Variants in RAB33A observed in about 807,000 individuals in gnomAD.
The protein encoded by RAB33A is RAB33A, member RAS oncogene family.
RAB33A carries 6 observed loss-of-function variants against 12.0 expected under a neutral mutation model. The observed-to-expected ratio is 0.50, with a 90% CI of 0.27 to 0.99. The LOEUF is 0.99. RAB33A is among the 50% of genes least tolerant of loss of function. The probability of loss-of-function intolerance (pLI) is 0.11; values close to 1 mark genes in which losing one functional copy is unlikely to be tolerated. For synonymous variants in RAB33A, 70 were observed against 82.4 expected (o/e 0.85, Z 0.81); for missense variants, 109 against 192.0 (o/e 0.57, Z 2.55).
chrX:130,122,847 A>T, the RAB33A span, among the ~76,000 whole-genome samples: 17 of 112,153 alleles, frequency 1.5e-4, no homozygotes, highest in African/African-American at 5.2e-4. Flanking sequence ...GACCTGTTTC[A>T]TGGAACCCAG....
chrX:130,168,956 T>C (rs193167066), upstream of RAB33A, among the ~76,000 whole-genome samples: 415 of 110,066 alleles, frequency 3.8e-3, 3 homozygotes, highest in Middle Eastern at 0.014. Flanking sequence ...GCCTGTAATC[T>C]CAGCACTTTG....
chrX:130,146,673 C>A, the RAB33A span, among the ~76,000 whole-genome samples: 62 of 110,737 alleles, frequency 5.6e-4, no homozygotes, highest in African/African-American at 2.0e-3. Context: ...GAATTGAGAT[C>A]TAAGTTGTCC....
At chrX:130,169,322 A>C (rs942012245), upstream of RAB33A, among the ~76,000 whole-genome samples, 2 of 111,575 alleles carry the variant, frequency 1.8e-5, no homozygotes, top group African/African-American at 6.5e-5. Context: ...ACCAATAATC[A>C]TGGATTGATT....
At chrX:130,169,006 G>A (rs887805635), upstream of RAB33A, among the ~76,000 whole-genome samples, 1 of 110,018 alleles carries the variant, frequency 9.1e-6, no homozygotes, top group South Asian at 3.9e-4. Context: ...CGGAGATCGA[G>A]ACCAGCCTGG....
the RAB33A span, among the ~76,000 whole-genome samples, chrX:130,120,780 C>G: frequency 5.3e-5 from 6 of 112,439 alleles, no homozygotes; most frequent in Non-Finnish European, 9.4e-5. Context: ...CTCGCTACCC[C>G]CTTTCTAGGC....
chrX:130,137,713 A>G, the RAB33A span: 8 of 1,058,904 alleles, frequency 7.6e-6, no homozygotes, highest in East Asian at 3.5e-5. Flanking sequence ...ACTTTCCTTA[A>G]TATTTTATTT....
chrX:130,171,895 ACG>A (rs1473413157), upstream of RAB33A: 184 of 523,215 alleles, frequency 3.5e-4, no homozygotes, highest in South Asian at 7.2e-4. Flanking sequence ...CACCCCCTTC[ACG>A]CGCGCGCGCG....
At chrX:130,156,420 C>G in the RAB33A span, 15 of 1,205,125 alleles carry the variant, frequency 1.2e-5, no homozygotes, top group Admixed American at 3.1e-4. Context: ...TTAATGGGAG[C>G]TGTTTGGCAG....
the RAB33A span, among the ~76,000 whole-genome samples, chrX:130,116,369 C>A: frequency 9.0e-6 from 1 of 111,475 alleles, no homozygotes; most frequent in African/African-American, 3.3e-5. Context: ...TCTTGGCTCA[C>A]TGCAACCTCC....
At chrX:130,124,214 C>T in the RAB33A span, among the ~76,000 whole-genome samples, 1 of 111,961 alleles carries the variant, frequency 8.9e-6, no homozygotes, top group Non-Finnish European at 1.9e-5. Flanking sequence ...GGCCACCACT[C>T]GGTTATAAAG....
At chrX:130,121,534 T>C in the RAB33A span, among the ~76,000 whole-genome samples, 1 of 112,268 alleles carries the variant, frequency 8.9e-6, no homozygotes, top group African/African-American at 3.2e-5. Context: ...CCTTTCTTTC[T>C]GCTCCCGCCT....
chrX:130,164,451 T>C, the RAB33A span, among the ~76,000 whole-genome samples: 3 of 112,672 alleles, frequency 2.7e-5, no homozygotes, highest in Admixed American at 9.4e-5. Context: ...CACTTTTTAT[T>C]TTTAAAGCAC....
chrX:130,159,265 CT>C, the RAB33A span, among the ~76,000 whole-genome samples: 156 of 67,868 alleles, frequency 2.3e-3, 2 homozygotes, highest in African/African-American at 8.1e-3. Flanking sequence ...AGATAAGAGA[CT>C]TTAGATCTAC....
chrX:130,129,963 C>T, the RAB33A span: 4 of 1,211,181 alleles, frequency 3.3e-6, no homozygotes, highest in Non-Finnish European at 4.5e-6. Flanking sequence ...TTATGACAGG[C>T]ACCTACCTTC....
the RAB33A span, among the ~76,000 whole-genome samples, chrX:130,160,475 C>T: frequency 8.9e-6 from 1 of 112,336 alleles, no homozygotes; most frequent in South Asian, 3.6e-4. Flanking sequence ...TGTGCAACAG[C>T]GCCAGACGAC....
the RAB33A span, chrX:130,137,196 G>C: frequency 8.3e-7 from 1 of 1,209,126 alleles, no homozygotes; most frequent in South Asian, 1.8e-5. Flanking sequence ...CTGGGAAGAA[G>C]AAACAGAGTA....
the RAB33A span, among the ~76,000 whole-genome samples, chrX:130,116,929 A>G: frequency 2.7e-5 from 3 of 111,910 alleles, no homozygotes; most frequent in African/African-American, 9.7e-5. Context: ...ACAGTTATAC[A>G]TTGGCCGGGT....
the RAB33A span, chrX:130,133,302 A>G: frequency 8.3e-7 from 1 of 1,210,791 alleles, no homozygotes; most frequent in Admixed American, 2.2e-5. Flanking sequence ...TCCAAGGCAC[A>G]CCACTATTAC....
chrX:130,159,863 C>T, the RAB33A span, among the ~76,000 whole-genome samples: 8 of 108,641 alleles, frequency 7.4e-5, no homozygotes, highest in Non-Finnish European at 9.5e-5. Flanking sequence ...ACTCTGTCCC[C>T]AAGCTGGAGT....
Sources: allele counts gnomAD v4.1 joint callset (sites outside exome capture counted in the v4.1 genomes callset), GRCh38; gene constraint gnomAD v4.1.1; transcripts MANE v1.5; gene names NCBI Gene and HGNC (gene_info 2026-07-23, HGNC 2026-07-21).